EPS8L2: variants seen among roughly 807,000 people sequenced by gnomAD.
EPS8L2 encodes the protein EPS8 signaling adaptor L2, also known as epidermal growth factor receptor kinase substrate 8-like protein 2.
Under a neutral mutation model 99.4 loss-of-function variants are expected in EPS8L2, and 81 were observed. That is an observed-to-expected ratio of 0.82 (90% confidence interval 0.68 to 0.98). The LOEUF is 0.98. Ranked by LOEUF, EPS8L2 falls within the 50% of genes least tolerant of loss-of-function variation. The probability of loss-of-function intolerance (pLI) is 0.00; values close to 1 mark genes in which losing one functional copy is unlikely to be tolerated. For synonymous variants in EPS8L2, 509 were observed against 407.3 expected, an observed-to-expected ratio of 1.25 and a Z score of -3.01; for missense variants, 1,155 against 968.8, an observed-to-expected ratio of 1.19 and a Z score of -2.55.
chr11:726,299 C>T lies in EPS8L2; in HGVS notation c.1754-5C>T. On this transcript the variant is annotated splice_polypyrimidine_tract_variant and splice_region_variant and intron_variant, in intron 18 of 20. Coordinates refer to ENST00000318562, the MANE Select transcript of EPS8L2 (RefSeq NM_022772.4). ...GCGGCGGGCCTGAGTCGCGCGCCCC[C>T]TCAGAGCTCATGCAGCACATGGACG... 1 of 1,604,200 alleles carries T rather than the reference C, an allele frequency of 6.2e-7. No individual in the cohort carries two copies.
chr11:709,740 C>A, intron 3 of EPS8L2, 132 bp downstream of exon 3: 1 of 1,014,718 alleles, frequency 9.9e-7, no homozygotes, highest in Non-Finnish European at 1.5e-6. Context: ...CCCAGGGAGG[C>A]CTCTGGACCC....
chr11:715,618 GTTTTTTT>G (rs929222502), intron 4 of EPS8L2, among the ~76,000 whole-genome samples: 34 of 120,040 alleles, frequency 2.8e-4, no homozygotes, highest in East Asian at 4.6e-4. Context: ...TTTTTCTTTT[GTTTTTTT>G]TTTTTTTTTT....
intron 7 of EPS8L2, 59 bp from the exon 8 acceptor site, chr11:721,005 A>AGGGGAGGGGAGGAGCCGGCAG (rs758503993): frequency 1.2e-5 from 17 of 1,398,686 alleles, no homozygotes; most frequent in African/African-American, 6.3e-5. Flanking sequence ...GGAGCCCGGC[A>AGGGGAGGGGAGGAGCCGGCAG]GGGAGGGAGG....
intron 7 of EPS8L2, 60 bp from the exon 8 acceptor site, chr11:721,004 C>CCGGGG: frequency 1.4e-6 from 2 of 1,414,870 alleles, no homozygotes; most frequent in South Asian, 1.3e-5. Flanking sequence ...AGGAGCCCGG[C>CCGGGG]AGGGAGGGAG....
intron 1 of EPS8L2, chr11:706,859 CAG>C (rs1861735172): frequency 6.5e-6 from 1 of 152,880 alleles, no homozygotes; most frequent in African/African-American, 2.4e-5. Flanking sequence ...GAGGCTGGGA[CAG>C]GGGCTGCAGA....
At chr11:723,181 C>T (rs1008922493) in intron 14 of EPS8L2, 60 bp from the exon 15 acceptor site, 24 of 834,270 alleles carry the variant, frequency 2.9e-5, no homozygotes, top group Non-Finnish European at 4.0e-5. Context: ...TCATATGCCC[C>T]CTCGTCCTGG....
Position 724,497 on chromosome 11 carries a change from C to T in EPS8L2, c.1455-227C>T, listed in dbSNP as rs1385122660. ...TGCTGTACCACAGGCCCCTGCGCCA[C>T]GCCCACCTCCTGCCTGCCCCGCCTC... On this transcript the variant is annotated intron_variant, in intron 15 of 20. Transcript: ENST00000318562. The surrounding 1 kb of genome is among the most constrained non-coding windows in gnomAD (Gnocchi z 5.5). The T allele has an allele frequency of 1.8e-5, 10 of 565,776 alleles. No homozygotes were observed. Among genetic ancestry groups the T allele is most frequent in the South Asian group, 1.2e-4 (6 of 50,264 alleles). The allele number at this position is 565,776 out of a possible 1,614,324, so 35.0% of individuals were successfully genotyped here. A position where few individuals can be genotyped will look rare whatever the true frequency, so the allele number is the denominator to read the frequency against.
intron 4 of EPS8L2, among the ~76,000 whole-genome samples, chr11:716,993 T>C (rs1425737014): frequency 6.6e-6 from 1 of 152,210 alleles, no homozygotes; most frequent in Non-Finnish European, 1.5e-5. Context: ...TTATTTATTT[T>C]TGAGACAGAG....
chr11:721,682 G>T lies in EPS8L2; in HGVS notation c.886G>T (p.Ala296Ser). The T allele has an allele frequency of 6.3e-7, 1 of 1,595,508 alleles. No individual in the cohort carries two copies. The highest frequency in any genetic ancestry group is 8.5e-7 in the Non-Finnish European group (1 of 1,172,412). Residue 296 changes from alanine (A) to serine (S), a missense_variant, in exon 10 of 21, where the codon GCG (alanine) becomes TCG (serine). Physicochemically the swap from Ala to Ser is moderately conservative, Grantham distance 99. Coordinates refer to ENST00000318562, the MANE Select transcript of EPS8L2 (RefSeq NM_022772.4). ...RKKGKKKGKK[A>S]PAEGVLTLRA... ...AAAGGGGAAGAAGAAGGGCAAGAAG[G>T]CGCCAGCAGGTGCAGGGGACAGGGA... is the stretch of plus-strand genomic sequence containing the variant.
At position 726,099 on chromosome 11, in the gene EPS8L2, C is replaced by T; in HGVS notation, c.1682C>T (p.Ala561Val). The T allele has an allele frequency of 6.3e-7, 1 of 1,587,032 alleles. No homozygotes were observed. The highest frequency in any genetic ancestry group is 1.1e-5 in the South Asian group (1 of 89,266). The change falls in exon 18 of 21, where the codon GCC (alanine) becomes GTC (valine). Residue 561 changes from alanine (A) to valine (V), a missense_variant and splice_region_variant. Physicochemically the swap from Ala to Val is moderately conservative, Grantham distance 64 (BLOSUM62 0). Transcript: ENST00000318562. ...CCTAATCGCCCCCCGCCCCCGCAGG[C>T]CGGTCAGAAGTACTGGGGCCCCGCC... ...PEDAGAPFEQ[A>V]GQKYWGPASP...
chr11:724,596 C>G lies in EPS8L2; in HGVS notation c.1455-128C>G. On this transcript the variant is annotated intron_variant, in intron 15 of 20. Coordinates refer to ENST00000318562, the MANE Select transcript of EPS8L2 (RefSeq NM_022772.4). The surrounding 1 kb of genome is among the most constrained non-coding windows in gnomAD (Gnocchi z 5.5). ...TGACGCTGCCTGCAGCCTCTCTCCA[C>G]GGTGACCTCCAGAACAGAAAAGAGG... is the stretch of plus-strand genomic sequence containing the variant. 3.0e-6 allele frequency: 2 copies of G among 665,896 alleles called. No individual in the cohort carries two copies. The highest frequency in any genetic ancestry group is 1.7e-5 in the South Asian group (1 of 59,778). The allele number at this position is 665,896 out of a possible 1,614,324, so 41.2% of individuals were successfully genotyped here. A position where few individuals can be genotyped will look rare whatever the true frequency, so the allele number is the denominator to read the frequency against.
At chr11:709,101 G>C (rs1212816240) in intron 1 of EPS8L2, 1 of 526,852 alleles carries the variant, frequency 1.9e-6, no homozygotes, top group African/African-American at 2.0e-5. Flanking sequence ...GTCAGCCTCT[G>C]GGGGGTCCCT....
chr11:720,564 G>A lies in EPS8L2; in HGVS notation c.328-33G>A, dbSNP rs752722738. Reference sequence around the variant, plus strand: ...TCCCTGCCAGAGTGCCCAGACCCCGGGTGCGAGTCGTGTCCGCGCGATGTA... The same window carrying A: ...TCCCTGCCAGAGTGCCCAGACCCCGAGTGCGAGTCGTGTCCGCGCGATGTA... On this transcript the variant is annotated intron_variant, in intron 5 of 20. Transcript: ENST00000318562. 9 of 1,582,384 alleles carry A rather than the reference G, an allele frequency of 5.7e-6. No individual in the cohort carries two copies. In the South Asian group the frequency reaches 1.0e-4, roughly 18 times the overall value.
At chr11:722,049 C>A (rs779783861) in intron 11 of EPS8L2, 42 bp from the exon 12 acceptor site, 16 of 1,606,758 alleles carry the variant, frequency 1.0e-5, no homozygotes, top group Non-Finnish European at 1.3e-5. Flanking sequence ...GGGTGGAGGC[C>A]CCGCCCCGCC....
At chr11:719,620 G>A (rs769687442) in intron 4 of EPS8L2, among the ~76,000 whole-genome samples, 4 of 152,378 alleles carry the variant, frequency 2.6e-5, no homozygotes, top group South Asian at 2.1e-4. Flanking sequence ...CACGCTGGAC[G>A]CACAGCACAC....
intron 12 of EPS8L2, 74 bp downstream of exon 12, chr11:722,239 G>A (rs1439117991): frequency 7.7e-6 from 12 of 1,565,842 alleles, no homozygotes; most frequent in Admixed American, 5.2e-5. Context: ...CCGGGGTCGG[G>A]GTTGGGGCAG....
chr11:706,509 C>A (rs2133489311), intron 1 of EPS8L2: 1 of 152,528 alleles, frequency 6.6e-6, no homozygotes, highest in South Asian at 2.1e-4. Flanking sequence ...CGGCCTGCCC[C>A]CGTCGGTCCT....
In EPS8L2 at chr11:716,518, A is replaced by C. The variant is rs1167077603; in HGVS notation, c.166-3544A>C. Among the ~76,000 whole-genome samples, 7 of 152,120 alleles carry C rather than the reference A, an allele frequency of 4.6e-5. No homozygotes were observed. In the East Asian group the frequency reaches 7.7e-4, roughly 17 times the overall value. ...GTGATCCACCCTCCTTGGCCTCCCAAAGTGCTGGGATTACAGGCGTGAGCC... is the reference window on the plus strand; with the variant it reads ...GTGATCCACCCTCCTTGGCCTCCCACAGTGCTGGGATTACAGGCGTGAGCC... On this transcript the variant is annotated intron_variant, in intron 4 of 20. Coordinates refer to ENST00000318562, the MANE Select transcript of EPS8L2 (RefSeq NM_022772.4).
At position 711,269 on chromosome 11, in the gene EPS8L2, CGTGT is replaced by C. The variant is rs201018308; in HGVS notation, c.165+802_165+805del. Among the ~76,000 whole-genome samples, 655 of 117,360 alleles carry C rather than the reference CGTGT, an allele frequency of 5.6e-3. 4 individuals carry two copies. The highest frequency in any genetic ancestry group is 0.01 in the African/African-American group (345 of 33,942). 77.0% of individuals were successfully genotyped at this position (117,360 alleles called of 152,430 possible). A position where few individuals can be genotyped will look rare whatever the true frequency, so the allele number is the denominator to read the frequency against. ...GCGTGTGTGCGTGTGTGCGTGCGTG[CGTGT>C]GTGTGTGTGTGTGTGTGTCTTTTTT... is the stretch of plus-strand genomic sequence containing the variant. On this transcript the variant is annotated intron_variant, in intron 4 of 20. Transcript: ENST00000318562.
Sources: gnomAD v4.1 joint callset for allele counts (sites outside exome capture counted in the v4.1 genomes callset) on GRCh38, gnomAD v4.1.1 for gene constraint, Gnocchi (gnomAD v3.1) non-coding constraint, MANE v1.5 for transcripts, NCBI Gene and HGNC (gene_info 2026-07-23, HGNC 2026-07-21) for gene names.